The following MUTYH variants were observed in gnomAD, a reference collection of about 807,000 sequenced individuals.
MUTYH encodes mutY DNA glycosylase.
MUTYH carries 64 observed loss-of-function variants against 72.9 expected under a neutral mutation model. That is an observed-to-expected ratio of 0.88 (90% confidence interval 0.72 to 1.08). The LOEUF (loss-of-function observed/expected upper bound fraction) is 1.08, where lower values mean the gene tolerates loss of function less well. Ranked by LOEUF, MUTYH falls within the 50% of genes least tolerant of loss-of-function variation. The pLI, the probability that MUTYH is intolerant of heterozygous loss-of-function variation, is 0.00. For missense variants in MUTYH, 633 were observed against 671.0 expected (o/e 0.94, Z 0.63); for synonymous variants, 234 against 263.1 (o/e 0.89, Z 1.07).
chr1:45,334,547 C>A, intron 1 of MUTYH, 36 bp from the exon 2 acceptor site: 1 of 1,613,670 alleles, frequency 6.2e-7, no homozygotes, highest in Non-Finnish European at 8.5e-7. Context: ...CAGTCAGTCA[C>A]AATGAGGCCA....
chr1:45,332,412 G>C lies in MUTYH; in HGVS notation c.683C>G (p.Thr228Ser), dbSNP rs766173546. 1 of 1,614,160 alleles carries C rather than the reference G, an allele frequency of 6.2e-7. No homozygotes were observed. The highest frequency in any genetic ancestry group is 1.3e-5 in the African/African-American group (1 of 75,052). Reference sequence around the variant, plus strand: ...CTACCAGAGCTGCTGGGAAACAAGGGTGCTGCTGGGATCAGCACCAATGGC... The same window carrying C: ...CTACCAGAGCTGCTGGGAAACAAGGCTGCTGCTGGGATCAGCACCAATGGC... ...VRAIGADPSS[T>S]LVSQQLWGLA... is the part of the protein sequence containing the mutation. Residue 228 changes from threonine to serine, a missense_variant, in exon 9 of 16, where the codon ACC (threonine) becomes AGC (serine). By Grantham distance (58) the Thr-to-Ser change is moderately conservative. Transcript: ENST00000456914.
At position 45,332,156 on chromosome 1, in the gene MUTYH, G is replaced by A. The variant is rs1060504205; in HGVS notation, c.849+10C>T. ...AGGACTTCTCACTGCCCCTTCCCCA[G>A]TAGGCTTACTCTCTGGCGTGCCCGG... On this transcript the variant is annotated intron_variant, in intron 10 of 15. Transcript: ENST00000456914. 1.9e-6 allele frequency: 3 copies of A among 1,614,210 alleles called. No homozygotes were observed. Among genetic ancestry groups the A allele is most frequent in the Non-Finnish European group, 2.5e-6 (3 of 1,180,022 alleles).
chr1:45,337,980 G>A (rs1484329807), intron 1 of MUTYH, among the ~76,000 whole-genome samples: 6 of 152,174 alleles, frequency 3.9e-5, no homozygotes, highest in Admixed American at 3.9e-4. Flanking sequence ...GCCAAGGTGG[G>A]GTTTAATGTT....
Position 45,329,275 on chromosome 1 carries a change from G to T in MUTYH, c.*31C>A. ...AAAATAAGCACTTTACTAACAACAGGATTCTCAGGGAATGGGGGCTTTCAG... is the reference window on the plus strand; with the variant it reads ...AAAATAAGCACTTTACTAACAACAGTATTCTCAGGGAATGGGGGCTTTCAG... On this transcript the variant is annotated 3_prime_UTR_variant, in exon 16 of 16. Transcript: ENST00000456914. The T allele has an allele frequency of 6.2e-7, 1 of 1,613,964 alleles. No individual in the cohort carries two copies. The highest frequency in any genetic ancestry group is 8.5e-7 in the Non-Finnish European group (1 of 1,179,884).
chr1:45,333,204 G>A, intron 4 of MUTYH, 34 bp from the exon 5 acceptor site: 3 of 1,614,138 alleles, frequency 1.9e-6, no homozygotes, highest in Non-Finnish European at 2.5e-6. Flanking sequence ...GGACACTGCT[G>A]ACCTGCCCCT....
At position 45,331,706 on chromosome 1, in the gene MUTYH, C is replaced by A. The variant is rs587778539; in HGVS notation, c.1057G>T (p.Gly353Trp). ...AGCAGAATTTGGGCCCCAAGGGCCCCAGGCTGTTCCAGAACACAGGTGGCA... is the reference window on the plus strand; with the variant it reads ...AGCAGAATTTGGGCCCCAAGGGCCCAAGGCTGTTCCAGAACACAGGTGGCA... ...SSATCVLEQP[G>W]ALGAQILLVQ... Residue 353 changes from glycine (G) to tryptophan (W), a missense_variant, in exon 12 of 16, where the codon GGG becomes TGG. Gly to Trp is a radical substitution (Grantham distance 184, BLOSUM62 -2). Transcript: ENST00000456914. The A allele has an allele frequency of 2.5e-6, 4 of 1,614,040 alleles. No individual in the cohort carries two copies. The highest frequency in any genetic ancestry group is 3.3e-5 in the Admixed American group (2 of 60,012).
In MUTYH at chr1:45,332,158, A is replaced by G. The variant is rs1570398146; in HGVS notation, c.849+8T>C. On this transcript the variant is annotated splice_region_variant and intron_variant, in intron 10 of 15. Transcript: ENST00000456914. ...GACTTCTCACTGCCCCTTCCCCAGT[A>G]GGCTTACTCTCTGGCGTGCCCGGCA... 1.2e-6 allele frequency: 2 copies of G among 1,614,160 alleles called. No homozygotes were observed. The highest frequency in any genetic ancestry group is 4.5e-5 in the East Asian group (2 of 44,884).
Position 45,332,560 on chromosome 1 carries a change from G to C in MUTYH, c.606+14C>G, listed in dbSNP as rs752537118. ...GCTGGGCACGCACAAAGTGGGGGTG[G>C]GCTGTGAGATCACCTGGCCAAAGGC... On this transcript the variant is annotated intron_variant, in intron 8 of 15. Coordinates refer to ENST00000456914, the MANE Select transcript of MUTYH (RefSeq NM_001048174.2). 150 of 1,613,840 alleles carry C rather than the reference G, an allele frequency of 9.3e-5. No individual in the cohort carries two copies. The highest frequency in any genetic ancestry group is 1.2e-4 in the Non-Finnish European group (145 of 1,179,914).
chr1:45,334,407 C>T lies in MUTYH; in HGVS notation c.99G>A (p.Lys33=), dbSNP rs375084663. 1.9e-5 allele frequency: 30 copies of T among 1,614,154 alleles called. No homozygotes were observed. In the African/African-American group the frequency reaches 3.6e-4, roughly 19 times the overall value. Residue 33 remains lysine, a synonymous_variant, in exon 2 of 16, where the codon AAG becomes AAA. Transcript: ENST00000456914. ...GTTCCTTACCATCACAGGCAGAAGG[C>T]TTGGCCTGACTGTTGTTCTTAGCAT... The part of the protein sequence containing the change: ...QKHAKNNSQA[K]PSACDGLARQ...
At chr1:45,336,281 C>T (rs1645872142) in intron 1 of MUTYH, among the ~76,000 whole-genome samples, 1 of 152,162 alleles carries the variant, frequency 6.6e-6, no homozygotes, top group Non-Finnish European at 1.5e-5. Context: ...CCCAGGAGTT[C>T]GAGATTAGGC....
chr1:45,339,933 G>A lies in MUTYH; in HGVS notation c.-41C>T, dbSNP rs549470824. The A allele has an allele frequency of 2.0e-6, 3 of 1,465,000 alleles. No homozygotes were observed. In the East Asian group the frequency reaches 9.0e-5, roughly 44 times the overall value. The allele number at this position is 1,465,000 out of a possible 1,614,324, so 90.8% of individuals were successfully genotyped here. ...ACGCTGATGAAGACAGCAGAACACGGAGGCCCCGCGTTCCCGCCGCGAGAG... is the reference window on the plus strand; with the variant it reads ...ACGCTGATGAAGACAGCAGAACACGAAGGCCCCGCGTTCCCGCCGCGAGAG... On this transcript the variant is annotated 5_prime_UTR_variant, in exon 1 of 16. Coordinates refer to ENST00000456914, the MANE Select transcript of MUTYH (RefSeq NM_001048174.2).
In MUTYH at chr1:45,331,874, T is replaced by C. The variant is rs768585950; in HGVS notation, c.914-25A>G. On this transcript the variant is annotated intron_variant, in intron 11 of 15. Transcript: ENST00000456914. The stretch of plus-strand genomic sequence containing the variant: ...GCTGGGAACGGAGATCCCCGAACCC[T>C]ACTCAAGCCAAGAGGGCTTTAGGGG... 40 of 1,601,912 alleles carry C rather than the reference T, an allele frequency of 2.5e-5. 1 individual carries two copies. The South Asian group carries it at 3.6e-4, about 14-fold the overall frequency.
upstream of MUTYH, chr1:45,340,085 C>T (rs1646773096): frequency 6.5e-7 from 1 of 1,546,634 alleles, no homozygotes; most frequent in African/African-American, 1.4e-5. Context: ...TTAGCGCGCG[C>T]CAGGCTGCCT....
Position 45,332,377 on chromosome 1 carries a change from C to A in MUTYH, c.704+14G>T, listed in dbSNP as rs957110303. 1.9e-6 allele frequency: 3 copies of A among 1,614,008 alleles called. No individual in the cohort carries two copies. The highest frequency in any genetic ancestry group is 2.7e-5 in the African/African-American group (2 of 74,918). On this transcript the variant is annotated intron_variant, in intron 9 of 15. Coordinates refer to ENST00000456914, the MANE Select transcript of MUTYH (RefSeq NM_001048174.2). Reference sequence around the variant, plus strand: ...AGACACCCCTGAAGCACCCTTGTTACCCCAACATCCTACCAGAGCTGCTGG... The same window carrying A: ...AGACACCCCTGAAGCACCCTTGTTAACCCAACATCCTACCAGAGCTGCTGG...
intron 1 of MUTYH, chr1:45,338,394 G>A: frequency 2.2e-6 from 1 of 447,648 alleles, no homozygotes; most frequent in Non-Finnish European, 4.3e-6. Context: ...CCTCTGTTTG[G>A]ACTCTTTTAT....
chr1:45,337,160 T>G (rs1315110804), intron 1 of MUTYH, among the ~76,000 whole-genome samples: 2 of 151,920 alleles, frequency 1.3e-5, no homozygotes, highest in African/African-American at 4.8e-5. Context: ...TTTTTTTTTT[T>G]TGGGATGGGG....
Position 45,339,966 on chromosome 1 carries a change from G to A in MUTYH, c.-74C>T. 1 of 1,520,440 alleles carries A rather than the reference G, an allele frequency of 6.6e-7. No homozygotes were observed. The highest frequency in any genetic ancestry group is 8.9e-7 in the Non-Finnish European group (1 of 1,127,920). The allele number at this position is 1,520,440 out of a possible 1,614,324, so 94.2% of individuals were successfully genotyped here. Reference sequence around the variant, plus strand: ...GCGTTCCCGCCGCGAGAGCAGGAGAGAAAGATTACCTCCCGCGAGCTCTAG... The same window carrying A: ...GCGTTCCCGCCGCGAGAGCAGGAGAAAAAGATTACCTCCCGCGAGCTCTAG... On this transcript the variant is annotated 5_prime_UTR_variant, in exon 1 of 16. Coordinates refer to ENST00000456914, the MANE Select transcript of MUTYH (RefSeq NM_001048174.2).
chr1:45,340,423 T>G, upstream of MUTYH: 1 of 1,529,020 alleles, frequency 6.5e-7, no homozygotes, highest in Non-Finnish European at 8.8e-7. Context: ...CCGCCTGAAC[T>G]AGCCACGAGG....
intron 2 of MUTYH, 148 bp from the exon 3 acceptor site, chr1:45,333,709 T>A: frequency 8.3e-7 from 1 of 1,210,130 alleles, no homozygotes; most frequent in South Asian, 1.6e-5. Context: ...CAGACCAGAG[T>A]TATGTAATTG....
Sources: gnomAD v4.1 joint callset for allele counts (sites outside exome capture counted in the v4.1 genomes callset) on GRCh38, gnomAD v4.1.1 for gene constraint, MANE v1.5 for transcripts, NCBI Gene and HGNC (gene_info 2026-07-23, HGNC 2026-07-21) for gene names.